The following ST8SIA6 variants were observed in gnomAD, a reference collection of about 807,000 sequenced individuals.
ST8SIA6 encodes alpha-2,8-sialyltransferase 8F.
A neutral mutation model predicts 33.6 loss-of-function variants in ST8SIA6; 39 were observed. The observed-to-expected ratio is 1.16, with a 90% confidence interval of 0.90 to 1.52. ST8SIA6 has a LOEUF of 1.52. ST8SIA6 is among the 40% of genes most tolerant of loss of function. The probability of loss-of-function intolerance (pLI) is 0.00; values close to 1 mark genes in which losing one functional copy is unlikely to be tolerated. For missense variants in ST8SIA6, 441 were observed against 443.8 expected, an observed-to-expected ratio of 0.99 and a Z score of 0.06; for synonymous variants, 172 against 167.2, an observed-to-expected ratio of 1.03 and a Z score of -0.22.
At chr10:17,417,200 G>A (rs930228729) in intron 2 of ST8SIA6, among the ~76,000 whole-genome samples, 6 of 152,068 alleles carry the variant, frequency 3.9e-5, no homozygotes, top group Admixed American at 1.3e-4. Context: ...CAGATCTTGT[G>A]TGAACTCAGA....
intron 2 of ST8SIA6, among the ~76,000 whole-genome samples, chr10:17,419,318 G>A (rs1332434025): frequency 1.3e-5 from 2 of 152,166 alleles, no homozygotes; most frequent in East Asian, 1.9e-4. Flanking sequence ...GATTGCTTGA[G>A]CTCAGGAGTT....
intron 4 of ST8SIA6, among the ~76,000 whole-genome samples, chr10:17,343,581 CAG>C (rs1249891615): frequency 6.6e-6 from 1 of 151,898 alleles, no homozygotes; most frequent in Non-Finnish European, 1.5e-5. Context: ...TTGCACAAAA[CAG>C]AGGAGGAAAG....
chr10:17,333,704 T>C lies in ST8SIA6; in HGVS notation c.378-2152A>G, dbSNP rs1458199134. Among the ~76,000 whole-genome samples the C allele has an allele frequency of 2.7e-4, 8 of 30,060 alleles. No individual in the cohort carries two copies. In the Admixed American group the frequency reaches 3.1e-3, roughly 12 times the overall value. The allele number at this position is 30,060 out of a possible 152,430, so 19.7% of individuals were successfully genotyped here. A position where few individuals can be genotyped will look rare whatever the true frequency, so the allele number is the denominator to read the frequency against. ...ATATATATATATATATATATATATA[T>C]ATATATATATATATTTTTTTTTTTT... On this transcript the variant is annotated intron_variant, in intron 4 of 7. Coordinates refer to ENST00000377602, the MANE Select transcript of ST8SIA6 (RefSeq NM_001004470.3).
At chr10:17,450,662 G>A (rs750897512) in intron 2 of ST8SIA6, among the ~76,000 whole-genome samples, 1 of 152,050 alleles carries the variant, frequency 6.6e-6, no homozygotes, top group Non-Finnish European at 1.5e-5. Context: ...GGCTAGTCTC[G>A]AACTCCTGAC....
At chr10:17,444,276 C>A (rs944213574) in intron 2 of ST8SIA6, among the ~76,000 whole-genome samples, 3 of 152,186 alleles carry the variant, frequency 2.0e-5, no homozygotes, top group African/African-American at 4.8e-5. Context: ...GGGAAACCAC[C>A]TTTGCTTTGA....
intron 4 of ST8SIA6, among the ~76,000 whole-genome samples, chr10:17,348,155 G>A (rs1011544976): frequency 2.7e-5 from 4 of 149,006 alleles, no homozygotes; most frequent in Non-Finnish European, 5.9e-5. Context: ...ACCAATTTTC[G>A]TTGACGGATT....
At chr10:17,323,028 G>A (rs373586098) in intron 7 of ST8SIA6, 37 bp downstream of exon 7, 1 of 1,545,088 alleles carries the variant, frequency 6.5e-7, no homozygotes, top group Admixed American at 1.7e-5. Flanking sequence ...CAATGAAAAA[G>A]TGTTCCTGAT....
intron 2 of ST8SIA6, among the ~76,000 whole-genome samples, chr10:17,437,415 TCTTGG>T (rs1264447943): frequency 6.6e-6 from 1 of 152,192 alleles, no homozygotes; most frequent in Non-Finnish European, 1.5e-5. Context: ...CAAGAAATCC[TCTTGG>T]CTTGGCCTCC....
At chr10:17,374,139 C>T (rs562457322) in intron 3 of ST8SIA6, among the ~76,000 whole-genome samples, 6 of 150,382 alleles carry the variant, frequency 4.0e-5, no homozygotes, top group African/African-American at 9.7e-5. Context: ...ATTTCTCATC[C>T]TCCCACTAAC....
At chr10:17,356,809 C>G (rs937574297) in intron 4 of ST8SIA6, among the ~76,000 whole-genome samples, 7 of 152,044 alleles carry the variant, frequency 4.6e-5, no homozygotes, top group Admixed American at 4.6e-4. Context: ...GCTGTACCCT[C>G]CATGGACCAG....
chr10:17,384,004 C>T (rs993536201), intron 3 of ST8SIA6, among the ~76,000 whole-genome samples: 1 of 152,186 alleles, frequency 6.6e-6, no homozygotes, highest in African/African-American at 2.4e-5. Context: ...CAGTTATTTG[C>T]GTAAGTGCAA....
At chr10:17,342,264 G>T (rs1024398676) in intron 4 of ST8SIA6, among the ~76,000 whole-genome samples, 1 of 152,176 alleles carries the variant, frequency 6.6e-6, no homozygotes, top group Admixed American at 6.5e-5. Flanking sequence ...GGGAGCTTAC[G>T]TGTATTAAGA....
At chr10:17,339,096 T>C (rs971758762) in intron 4 of ST8SIA6, among the ~76,000 whole-genome samples, 1 of 134,638 alleles carries the variant, frequency 7.4e-6, no homozygotes, top group Non-Finnish European at 1.6e-5. Flanking sequence ...GGGATCTTTA[T>C]TAAAATTGTA....
chr10:17,405,355 A>G (rs1313313140), intron 2 of ST8SIA6, among the ~76,000 whole-genome samples: 1 of 151,632 alleles, frequency 6.6e-6, no homozygotes, highest in Non-Finnish European at 1.5e-5. Context: ...CAACAGTGAG[A>G]CCCTGTCTAA....
At chr10:17,418,733 C>T (rs1251212076) in intron 2 of ST8SIA6, among the ~76,000 whole-genome samples, 2 of 152,180 alleles carry the variant, frequency 1.3e-5, no homozygotes, top group African/African-American at 2.4e-5. Flanking sequence ...TGGCTCATGC[C>T]TGTAATCCCA....
At chr10:17,361,517 AAC>A (rs35428636) in intron 3 of ST8SIA6, among the ~76,000 whole-genome samples, 80,826 of 145,938 alleles carry the variant, frequency 0.55, 22,804 homozygotes, top group East Asian at 0.75. Flanking sequence ...CTTCCTACAA[AAC>A]ACACACACAC....
intron 3 of ST8SIA6, among the ~76,000 whole-genome samples, chr10:17,360,053 G>T (rs1849330757): frequency 6.6e-6 from 1 of 152,070 alleles, no homozygotes; most frequent in Non-Finnish European, 1.5e-5. Flanking sequence ...ATTTTGAACT[G>T]TACATTCAAC....
chr10:17,325,300 C>T (rs10466272), intron 6 of ST8SIA6, among the ~76,000 whole-genome samples: 55,090 of 144,362 alleles, frequency 0.38, 11,310 homozygotes, highest in African/African-American at 0.52. Context: ...CTATCTATAA[C>T]ACAGTATTAT....
intron 2 of ST8SIA6, among the ~76,000 whole-genome samples, chr10:17,452,060 C>T (rs914181689): frequency 7.2e-5 from 11 of 152,140 alleles, no homozygotes; most frequent in Admixed American, 2.0e-4. Flanking sequence ...GGTCAACCCT[C>T]GAATGTGTAA....
Sources: gnomAD v4.1 joint callset for allele counts (sites outside exome capture counted in the v4.1 genomes callset) on GRCh38, gnomAD v4.1.1 for gene constraint, MANE v1.5 for transcripts, NCBI Gene and HGNC (gene_info 2026-07-23, HGNC 2026-07-21) for gene names.